Variants in NPAP1 observed in about 807,000 individuals in gnomAD.
NPAP1 encodes nuclear pore associated protein 1.
For missense variants in NPAP1, 1,483 were observed against 1,454.5 expected, an observed-to-expected ratio of 1.02 and a Z score of -0.32; for synonymous variants, 616 against 581.4, an observed-to-expected ratio of 1.06 and a Z score of -0.86.
rs779167552 is a variant in NPAP1 at position 24,678,507 on chromosome 15, T to C, written c.2640T>C (p.Asp880=). ...CCACCAGTTTTCCTGCACAGGCAGA[T>C]AGGAGACCAACCACAACTTCCAGCC... ...QVSTSFPAQA[D]RRPTTTSSHP... is the part of the protein sequence containing the mutation. Residue 880 remains aspartate (D), a synonymous_variant, in exon 1 of 1, where the codon GAT becomes GAC. Coordinates refer to ENST00000329468, the MANE Select transcript of NPAP1 (RefSeq NM_018958.3). 1 of 1,614,184 alleles carries C rather than the reference T, an allele frequency of 6.2e-7. No homozygotes were observed. The highest frequency in any genetic ancestry group is 1.7e-5 in the Admixed American group (1 of 60,028).
Position 24,676,902 on chromosome 15 carries a change from G to A in NPAP1, c.1035G>A (p.Leu345=), listed in dbSNP as rs2141309084. The change falls in exon 1 of 1, where the codon CTG becomes CTA. Residue 345 remains leucine, a synonymous_variant. Transcript: ENST00000329468. ...LLPLPPSLPL[L]WDRGELPPPA... is the part of the protein sequence containing the mutation. Reference sequence around the variant, plus strand: ...CGCTGCCCCCTTCACTGCCATTGCTGTGGGATCGAGGTGAGCTTCCCCCAC... The same window carrying A: ...CGCTGCCCCCTTCACTGCCATTGCTATGGGATCGAGGTGAGCTTCCCCCAC... 1 of 1,613,710 alleles carries A rather than the reference G, an allele frequency of 6.2e-7. No individual in the cohort carries two copies. Among genetic ancestry groups the A allele is most frequent in the Non-Finnish European group, 8.5e-7 (1 of 1,180,038 alleles).
chr15:24,678,119 A>G lies in NPAP1; in HGVS notation c.2252A>G (p.Gln751Arg), dbSNP rs2048990203. 1.2e-6 allele frequency: 2 copies of G among 1,613,178 alleles called. No homozygotes were observed. The highest frequency in any genetic ancestry group is 1.7e-5 in the Admixed American group (1 of 59,908). The part of the protein sequence containing the change: ...SVQGSTSLPA[Q>R]SVRAPATASN... ...CAAGGCTCCACCAGTTTGCCTGCAC[A>G]GTCAGTCAGGGCACCAGCTACAGCT... Residue 751 changes from glutamine to arginine, a missense_variant, in exon 1 of 1, where the codon CAG (glutamine) becomes CGG (arginine). Coordinates refer to ENST00000329468, the MANE Select transcript of NPAP1 (RefSeq NM_018958.3).
rs757583074 is a variant in NPAP1, at chr15:24,676,917, G to A, written c.1050G>A (p.Glu350=). Residue 350 remains glutamate (E), a synonymous_variant, in exon 1 of 1, where the codon GAG becomes GAA. Coordinates refer to ENST00000329468, the MANE Select transcript of NPAP1 (RefSeq NM_018958.3). ...PSLPLLWDRG[E]LPPPAKLPCL... is the part of the protein sequence containing the mutation. ...TGCCATTGCTGTGGGATCGAGGTGA[G>A]CTTCCCCCACCTGCTAAGCTCCCCT... is the stretch of plus-strand genomic sequence containing the variant. 1.9e-6 allele frequency: 3 copies of A among 1,613,612 alleles called. No individual in the cohort carries two copies. Among genetic ancestry groups the A allele is most frequent in the South Asian group, 1.1e-5 (1 of 91,088 alleles).
At position 24,676,915 on chromosome 15, in the gene NPAP1, G is replaced by A. The variant is rs2141309124; in HGVS notation, c.1048G>A (p.Glu350Lys). The A allele has an allele frequency of 6.2e-7, 1 of 1,613,742 alleles. No individual in the cohort carries two copies. Among genetic ancestry groups the A allele is most frequent in the Non-Finnish European group, 8.5e-7 (1 of 1,180,016 alleles). Residue 350 changes from glutamate to lysine, a missense_variant, in exon 1 of 1, where the codon GAG (glutamate) becomes AAG (lysine). By Grantham distance (56) the Glu-to-Lys change is moderately conservative. Coordinates refer to ENST00000329468, the MANE Select transcript of NPAP1 (RefSeq NM_018958.3). Reference protein sequence around the residue: ...PSLPLLWDRGELPPPAKLPCL... With the variant: ...PSLPLLWDRGKLPPPAKLPCL... ...ACTGCCATTGCTGTGGGATCGAGGT[G>A]AGCTTCCCCCACCTGCTAAGCTCCC...
Position 24,676,694 on chromosome 15 carries a change from T to C in NPAP1, c.827T>C (p.Leu276Ser). 1.2e-6 allele frequency: 2 copies of C among 1,614,052 alleles called. No individual in the cohort carries two copies. Among genetic ancestry groups the C allele is most frequent in the Non-Finnish European group, 8.5e-7 (1 of 1,180,046 alleles). The change falls in exon 1 of 1, where the codon TTG (leucine) becomes TCG (serine). Residue 276 changes from leucine (L) to serine (S), a missense_variant. Leu to Ser is a moderately radical substitution (Grantham distance 145). Transcript: ENST00000329468. ...GGCTGCTCCCTGCTGCAGCAGAAGT[T>C]GGCTGCGGAAGTGCTGAATGAAGAG... Reference protein sequence around the residue: ...AVGCSLLQQKLAAEVLNEEPP... With the variant: ...AVGCSLLQQKSAAEVLNEEPP...
At position 24,679,486 on chromosome 15, in the gene NPAP1, G is replaced by A. The variant is rs2049003139; in HGVS notation, c.*148G>A. 3.1e-6 allele frequency: 2 copies of A among 651,144 alleles called. No individual in the cohort carries two copies. The highest frequency in any genetic ancestry group is 5.5e-6 in the Non-Finnish European group (2 of 366,816). The allele number at this position is 651,144 out of a possible 1,614,324, so 40.3% of individuals were successfully genotyped here. ...AGAACTCAGGTTGTGCACCAGGAGG[G>A]GACAACAACATCCCTGTGCTCCCTT... On this transcript the variant is annotated 3_prime_UTR_variant, in exon 1 of 1. Transcript: ENST00000329468.
Position 24,678,970 on chromosome 15 carries a change from G to A in NPAP1, c.3103G>A (p.Glu1035Lys), listed in dbSNP as rs531577767. The A allele has an allele frequency of 6.2e-7, 1 of 1,614,174 alleles. No individual in the cohort carries two copies. Among genetic ancestry groups the A allele is most frequent in the Non-Finnish European group, 8.5e-7 (1 of 1,180,032 alleles). ...SAPGPSSTSG[E>K]LNIGQGQSGT... ...CCCAGGCCCCAGTTCCACATCAGGA[G>A]AACTCAACATTGGACAAGGACAGAG... The change falls in exon 1 of 1, where the codon GAA becomes AAA. Residue 1035 changes from glutamate to lysine, a missense_variant. Physicochemically the swap from Glu to Lys is moderately conservative, Grantham distance 56 (BLOSUM62 1). Transcript: ENST00000329468.
chr15:24,677,021 A>G lies in NPAP1; in HGVS notation c.1154A>G (p.Lys385Arg). 1 of 1,613,958 alleles carries G rather than the reference A, an allele frequency of 6.2e-7. No homozygotes were observed. Among genetic ancestry groups the G allele is most frequent in the Non-Finnish European group, 8.5e-7 (1 of 1,180,004 alleles). ...YKRNSRILEDKTETMTNSSIT... is the reference protein window; with the variant it reads ...YKRNSRILEDRTETMTNSSIT... ...AGGAATAGCAGAATCTTGGAGGATA[A>G]AACAGAGACCATGACAAACAGCAGC... The change falls in exon 1 of 1, where the codon AAA becomes AGA. Residue 385 changes from lysine (K) to arginine (R), a missense_variant. Transcript: ENST00000329468.
Position 24,676,057 on chromosome 15 carries a change from A to G in NPAP1, c.190A>G (p.Ile64Val). 6.3e-7 allele frequency: 1 copy of G among 1,583,610 alleles called. No homozygotes were observed. ...NARRRPSAAS[I>V]FVAPKRPCPL... is the part of the protein sequence containing the mutation. Reference sequence around the variant, plus strand: ...CCGTCGCAGGCCTTCAGCAGCCAGCATCTTCGTCGCCCCTAAGAGGCCGTG... The same window carrying G: ...CCGTCGCAGGCCTTCAGCAGCCAGCGTCTTCGTCGCCCCTAAGAGGCCGTG... The change falls in exon 1 of 1, where the codon ATC becomes GTC. Residue 64 changes from isoleucine to valine, a missense_variant. Physicochemically the swap from Ile to Val is conservative, Grantham distance 29. Transcript: ENST00000329468.
At position 24,682,057 on chromosome 15, in the gene NPAP1, G is replaced by A. The variant is rs1172983271; in HGVS notation, c.*2719G>A. The A allele has an allele frequency of 6.0e-6, 1 of 166,842 alleles. No individual in the cohort carries two copies. The highest frequency in any genetic ancestry group is 1.9e-4 in the East Asian group (1 of 5,178). 10.3% of individuals were successfully genotyped at this position (166,842 alleles called of 1,614,324 possible). On this transcript the variant is annotated 3_prime_UTR_variant, in exon 1 of 1. Coordinates refer to ENST00000329468, the MANE Select transcript of NPAP1 (RefSeq NM_018958.3). ...AGAACCCCTTTTTATTAGCATAAAA[G>A]CACTTACTTTTATGAAGCAAACACA...
At position 24,676,701 on chromosome 15, in the gene NPAP1, G is replaced by C. The variant is rs756817955; in HGVS notation, c.834G>C (p.Ala278=). ...CCCTGCTGCAGCAGAAGTTGGCTGC[G>C]GAAGTGCTGAATGAAGAGCCACCGC... ...GCSLLQQKLA[A]EVLNEEPPPS... The change falls in exon 1 of 1, where the codon GCG becomes GCC. Residue 278 remains alanine (A), a synonymous_variant. Transcript: ENST00000329468. 2 of 1,614,070 alleles carry C rather than the reference G, an allele frequency of 1.2e-6. No individual in the cohort carries two copies. Among genetic ancestry groups the C allele is most frequent in the African/African-American group, 1.3e-5 (1 of 75,054 alleles).
At position 24,678,588 on chromosome 15, in the gene NPAP1, G is replaced by A. The variant is rs1202365063; in HGVS notation, c.2721G>A (p.Gln907=). 1.9e-6 allele frequency: 3 copies of A among 1,614,000 alleles called. No individual in the cohort carries two copies. Among genetic ancestry groups the A allele is most frequent in the East Asian group, 4.5e-5 (2 of 44,880 alleles). The change falls in exon 1 of 1, where the codon CAG becomes CAA. Residue 907 remains glutamine, a synonymous_variant. Transcript: ENST00000329468. ...CCACACTTGGGGCCACTGATGGGCA[G>A]CAGAAGTCTGACAGTTCTTTTATTC... The part of the protein sequence containing the change: ...SHSTLGATDG[Q]QKSDSSFILG...
rs2141309660 is a variant in NPAP1, at chr15:24,677,130, A to T, written c.1263A>T (p.Ser421=). 1 of 1,614,112 alleles carries T rather than the reference A, an allele frequency of 6.2e-7. No individual in the cohort carries two copies. Among genetic ancestry groups the T allele is most frequent in the Non-Finnish European group, 8.5e-7 (1 of 1,180,020 alleles). The change falls in exon 1 of 1, where the codon TCA becomes TCT. Residue 421 remains serine (S), a synonymous_variant. Transcript: ENST00000329468. ...LPLTTYTSQV[S]APLPIPDLAD... ...TGACCACTTACACTTCCCAGGTCTC[A>T]GCTCCTTTGCCCATCCCTGACTTGG... is the stretch of plus-strand genomic sequence containing the variant.
At position 24,677,765 on chromosome 15, in the gene NPAP1, C is replaced by T. The variant is rs2141311062; in HGVS notation, c.1898C>T (p.Pro633Leu). 1.2e-6 allele frequency: 2 copies of T among 1,614,144 alleles called. No homozygotes were observed. The highest frequency in any genetic ancestry group is 1.7e-6 in the Non-Finnish European group (2 of 1,180,038). The change falls in exon 1 of 1, where the codon CCA becomes CTA. Residue 633 changes from proline to leucine, a missense_variant. Transcript: ENST00000329468. ...CCATTTATATTCCACAATACCACCC[C>T]AAGTTTTAACCAACTCTTTGGAAAA... The part of the protein sequence containing the change: ...PLPFIFHNTT[P>L]SFNQLFGKEA...
chr15:24,676,687 C>T, the NPAP1 span: 2 of 1,614,084 alleles, frequency 1.2e-6, no homozygotes, highest in Non-Finnish European at 1.7e-6. Flanking sequence ...CCTGCTGCAG[C>T]AGAAGTTGGC....
In NPAP1 at chr15:24,679,241, A is replaced by G. The variant is rs1159626081; in HGVS notation, c.3374A>G (p.Gln1125Arg). 6.2e-7 allele frequency: 1 copy of G among 1,613,986 alleles called. No individual in the cohort carries two copies. The highest frequency in any genetic ancestry group is 8.5e-7 in the Non-Finnish European group (1 of 1,180,042). ...CCTGCTTTTCAACAGTGCATCCTGC[A>G]GCACACATGGACAGAGAGAAAATTC... ...CVPAFQQCIL[Q>R]HTWTERKFYT... Residue 1125 changes from glutamine to arginine, a missense_variant, in exon 1 of 1, where the codon CAG becomes CGG. Transcript: ENST00000329468.
In NPAP1 at chr15:24,678,071, C is replaced by G. The variant is rs1350815983; in HGVS notation, c.2204C>G (p.Pro735Arg). The G allele has an allele frequency of 6.2e-7, 1 of 1,612,212 alleles. No individual in the cohort carries two copies. Among genetic ancestry groups the G allele is most frequent in the African/African-American group, 1.3e-5 (1 of 74,240 alleles). ...CTTCCTGGTTCTGGGAACACACAACCCAGCGGCAACACTGCCTCAGTCCAA... is the reference window on the plus strand; with the variant it reads ...CTTCCTGGTTCTGGGAACACACAACGCAGCGGCAACACTGCCTCAGTCCAA... The part of the protein sequence containing the change: ...LGLPGSGNTQ[P>R]SGNTASVQGS... Residue 735 changes from proline to arginine, a missense_variant, in exon 1 of 1, where the codon CCC (proline) becomes CGC (arginine). Coordinates refer to ENST00000329468, the MANE Select transcript of NPAP1 (RefSeq NM_018958.3).
the NPAP1 span, chr15:24,675,929 G>GC: frequency 6.3e-7 from 1 of 1,585,320 alleles, no homozygotes; most frequent in Non-Finnish European, 8.6e-7. Context: ...CCAGGGCCAG[G>GC]GCGTGGCGCC....
At position 24,679,573 on chromosome 15, in the gene NPAP1, G is replaced by T; in HGVS notation, c.*235G>T. ...CACAGGTGGTGCATCTGCAGTGAATGGCAACATATCTTTAATTAGAGGCCC... is the reference window on the plus strand; with the variant it reads ...CACAGGTGGTGCATCTGCAGTGAATTGCAACATATCTTTAATTAGAGGCCC... On this transcript the variant is annotated 3_prime_UTR_variant, in exon 1 of 1. Coordinates refer to ENST00000329468, the MANE Select transcript of NPAP1 (RefSeq NM_018958.3). 2 of 552,902 alleles carry T rather than the reference G, an allele frequency of 3.6e-6. No homozygotes were observed. Among genetic ancestry groups the T allele is most frequent in the Non-Finnish European group, 6.6e-6 (2 of 302,402 alleles). 34.2% of individuals were successfully genotyped at this position (552,902 alleles called of 1,614,324 possible).
Sources: allele counts gnomAD v4.1 joint callset, GRCh38; gene constraint gnomAD v4.1.1; transcripts MANE v1.5; gene names NCBI Gene and HGNC (gene_info 2026-07-23, HGNC 2026-07-21).